NWD2: variants seen among roughly 807,000 people sequenced by gnomAD.
The protein encoded by NWD2 is NACHT and WD repeat domain containing 2.
NWD2 carries 37 observed loss-of-function variants against 132.7 expected under a neutral mutation model. The ratio of observed to expected loss-of-function variants is 0.28; its 90% CI spans 0.21 to 0.37. The LOEUF is 0.37. NWD2 is among the 10% of genes least tolerant of loss of function. The pLI is 1.00. For missense variants in NWD2, 1,592 were observed against 2,122.4 expected, an observed-to-expected ratio of 0.75 and a Z score of 4.91; for synonymous variants, 705 against 803.0, an observed-to-expected ratio of 0.88 and a Z score of 2.06.
chr4:37,318,386 A>G (rs1650689153), intron 1 of NWD2, among the ~76,000 whole-genome samples: 1 of 152,204 alleles, frequency 6.6e-6, no homozygotes, highest in African/African-American at 2.4e-5. Flanking sequence ...CCATGAATTC[A>G]TAGTCTACAG....
At chr4:37,430,857 C>A in intron 4 of NWD2, 82 bp downstream of exon 4, 1 of 1,233,634 alleles carries the variant, frequency 8.1e-7, no homozygotes, top group Non-Finnish European at 1.1e-6. Context: ...TGGTGCTGCA[C>A]AGAAAAGGCA....
chr4:37,395,444 C>G, intron 3 of NWD2, among the ~76,000 whole-genome samples: 1 of 151,366 alleles, frequency 6.6e-6, no homozygotes, highest in Non-Finnish European at 1.5e-5. Flanking sequence ...GACTCACTTT[C>G]AAGTAGTAAG....
chr4:37,256,909 G>A (rs185015564), intron 1 of NWD2, among the ~76,000 whole-genome samples: 60 of 152,186 alleles, frequency 3.9e-4, no homozygotes, highest in African/African-American at 1.4e-3. Flanking sequence ...TAGAAATTTG[G>A]GGCTCTCTTA....
chr4:37,444,055 T>C lies in NWD2; in HGVS notation c.2067T>C (p.Ser689=), dbSNP rs756727856. The C allele has an allele frequency of 6.4e-7, 1 of 1,551,560 alleles. No individual in the cohort carries two copies. Among genetic ancestry groups the C allele is most frequent in the African/African-American group, 1.4e-5 (1 of 72,934 alleles). ...TAGCCCTAGACAACAGTGTAATGAG[T>C]GAGCTCAAAGAAAACACCAGACCCA... ...DVLALDNSVM[S]ELKENTRPSN... Residue 689 remains serine (S), a synonymous_variant, in exon 7 of 7, where the codon AGT becomes AGC. Coordinates refer to ENST00000309447, the MANE Select transcript of NWD2 (RefSeq NM_001144990.2). This position sits in a 1 kb window ranked among gnomAD's most constrained non-coding sequence, Gnocchi z 4.8.
chr4:37,354,857 C>A (rs1389906767), intron 2 of NWD2, among the ~76,000 whole-genome samples: 1 of 152,156 alleles, frequency 6.6e-6, no homozygotes, highest in East Asian at 1.9e-4. Flanking sequence ...AACAGATAAG[C>A]CATAAATGTT....
Position 37,443,259 on chromosome 4 carries a change from T to C in NWD2, c.1297-26T>C, listed in dbSNP as rs1712532689. On this transcript the variant is annotated intron_variant, in intron 6 of 6. Transcript: ENST00000309447. The surrounding 1 kb of genome is among the most constrained non-coding windows in gnomAD (Gnocchi z 4.1). ...ATGACCATGTGAATACATATTACCA[T>C]TCTAAACTCCACTTTTGTGTTTCAG... 16 of 1,531,026 alleles carry C rather than the reference T, an allele frequency of 1.0e-5. No homozygotes were observed. Among genetic ancestry groups the C allele is most frequent in the Non-Finnish European group, 1.3e-5 (15 of 1,131,682 alleles). The allele number at this position is 1,531,026 out of a possible 1,614,324, so 94.8% of individuals were successfully genotyped here.
chr4:37,381,627 A>T (rs1720456677), intron 3 of NWD2, among the ~76,000 whole-genome samples: 1 of 152,208 alleles, frequency 6.6e-6, no homozygotes, highest in Non-Finnish European at 1.5e-5. Flanking sequence ...CACAATTATG[A>T]AATTAATACC....
chr4:37,334,009 A>C (rs916731969), intron 2 of NWD2, among the ~76,000 whole-genome samples: 2 of 152,096 alleles, frequency 1.3e-5, no homozygotes, highest in African/African-American at 2.4e-5. Flanking sequence ...AGGCTATTTG[A>C]AAATACACAG....
At chr4:37,338,230 T>G (rs1014709854) in intron 2 of NWD2, among the ~76,000 whole-genome samples, 2 of 152,252 alleles carry the variant, frequency 1.3e-5, no homozygotes, top group African/African-American at 4.8e-5. Context: ...GATTTTTACC[T>G]TACAAATAAA....
intron 1 of NWD2, among the ~76,000 whole-genome samples, chr4:37,249,543 G>A (rs897868764): frequency 6.6e-6 from 1 of 152,182 alleles, no homozygotes; most frequent in African/African-American, 2.4e-5. Flanking sequence ...AATTTTACGA[G>A]AAAGAAAGCA....
intron 3 of NWD2, among the ~76,000 whole-genome samples, chr4:37,396,897 G>A (rs148314629): frequency 2.0e-5 from 3 of 152,286 alleles, no homozygotes; most frequent in Admixed American, 6.5e-5. Flanking sequence ...GCCGGGTGTG[G>A]TGGTGGATGC....
At chr4:37,344,207 G>A (rs954646690) in intron 2 of NWD2, among the ~76,000 whole-genome samples, 1 of 152,150 alleles carries the variant, frequency 6.6e-6, no homozygotes, top group Non-Finnish European at 1.5e-5. Flanking sequence ...AGCACTTTAT[G>A]TTCCAAGTGT....
chr4:37,446,230 G>A lies in NWD2; in HGVS notation c.4242G>A (p.Ser1414=), dbSNP rs1212842469. Residue 1414 remains serine (S), a synonymous_variant, in exon 7 of 7, where the codon TCG becomes TCA. Transcript: ENST00000309447. This position sits in a 1 kb window ranked among gnomAD's most constrained non-coding sequence, Gnocchi z 6.7. ...LITHNDQFVV[S]LCEENASRVW... ...CACACAATGACCAGTTTGTGGTCTC[G>A]CTCTGTGAGGAAAATGCCTCCAGGG... is the stretch of plus-strand genomic sequence containing the variant. 5.2e-6 allele frequency: 8 copies of A among 1,551,650 alleles called. No individual in the cohort carries two copies. Among genetic ancestry groups the A allele is most frequent in the Admixed American group, 3.9e-5 (2 of 50,994 alleles).
chr4:37,356,510 A>G, intron 3 of NWD2, 28 bp downstream of exon 3: 1 of 1,328,224 alleles, frequency 7.5e-7, no homozygotes, highest in Non-Finnish European at 1.1e-6. Context: ...AATGCTTTAT[A>G]TTAACTTTTA....
At position 37,447,525 on chromosome 4, in the gene NWD2, T is replaced by C. The variant is rs1016677950; in HGVS notation, c.*308T>C. On this transcript the variant is annotated 3_prime_UTR_variant, in exon 7 of 7. Transcript: ENST00000309447. Reference sequence around the variant, plus strand: ...GCATAATACATCCCACTGGTTAAGATGAGAGAGGCTAGAGTTATATACAGA... The same window carrying C: ...GCATAATACATCCCACTGGTTAAGACGAGAGAGGCTAGAGTTATATACAGA... 2.7e-6 allele frequency: 1 copy of C among 371,036 alleles called. No homozygotes were observed. The highest frequency in any genetic ancestry group is 5.0e-6 in the Non-Finnish European group (1 of 201,090). The allele number at this position is 371,036 out of a possible 1,614,324, so 23.0% of individuals were successfully genotyped here.
At chr4:37,356,201 C>T (rs1719868789) in intron 2 of NWD2, among the ~76,000 whole-genome samples, 165 bp from the exon 3 acceptor site, 1 of 152,134 alleles carries the variant, frequency 6.6e-6, no homozygotes, top group Non-Finnish European at 1.5e-5. Context: ...CATTCCCAAC[C>T]CATCATGGAA....
Position 37,447,969 on chromosome 4 carries a change from CT to C in NWD2, c.*756del, listed in dbSNP as rs1379713597. The C allele has an allele frequency of 6.6e-6, 1 of 152,288 alleles. No homozygotes were observed. The highest frequency in any genetic ancestry group is 1.9e-4 in the East Asian group (1 of 5,188). The allele number at this position is 152,288 out of a possible 1,614,324, so 9.4% of individuals were successfully genotyped here. A position where few individuals can be genotyped will look rare whatever the true frequency, so the allele number is the denominator to read the frequency against. On this transcript the variant is annotated 3_prime_UTR_variant, in exon 7 of 7. Coordinates refer to ENST00000309447, the MANE Select transcript of NWD2 (RefSeq NM_001144990.2). ...AACACATTTAGTAAGAAACAACAAT[CT>C]TTTCGCATCTTTTTGAAATGCATAT...
chr4:37,445,646 T>C lies in NWD2; in HGVS notation c.3658T>C (p.Trp1220Arg), dbSNP rs538570418. 1.9e-6 allele frequency: 3 copies of C among 1,552,134 alleles called. No individual in the cohort carries two copies. Among genetic ancestry groups the C allele is most frequent in the Non-Finnish European group, 2.6e-6 (3 of 1,147,136 alleles). ...LSIELLDTGL[W>R]KVAEKFRAKH... ...CATTGAGCTCTTAGATACTGGTCTG[T>C]GGAAGGTGGCTGAAAAGTTCAGAGC... The change falls in exon 7 of 7, where the codon TGG becomes CGG. Residue 1220 changes from tryptophan to arginine, a missense_variant. Trp to Arg is a moderately radical substitution (Grantham distance 101). This residue lies in a region of NWD2 where 1,071 missense variants were observed against 1,398.0 expected (regional missense o/e 0.77). Coordinates refer to ENST00000309447, the MANE Select transcript of NWD2 (RefSeq NM_001144990.2). The surrounding 1 kb of genome is among the most constrained non-coding windows in gnomAD (Gnocchi z 4.7).
intron 2 of NWD2, among the ~76,000 whole-genome samples, chr4:37,348,207 A>G (rs1211795651): frequency 1.3e-5 from 2 of 152,200 alleles, no homozygotes; most frequent in Non-Finnish European, 2.9e-5. Flanking sequence ...AGTAAGTTGA[A>G]TTCTAGTTGG....
Sources: allele counts gnomAD v4.1 joint callset (sites outside exome capture counted in the v4.1 genomes callset), GRCh38; gene constraint gnomAD v4.1.1; regional missense constraint gnomAD v4.1.1; non-coding constraint Gnocchi (gnomAD v3.1); transcripts MANE v1.5; gene names NCBI Gene and HGNC (gene_info 2026-07-23, HGNC 2026-07-21).